The following INAVA variants were observed in gnomAD, a reference collection of about 807,000 sequenced individuals.
INAVA encodes the protein innate immunity activator.
INAVA carries 32 observed loss-of-function variants against 55.3 expected under a neutral mutation model. That is an observed-to-expected ratio of 0.58 (90% CI 0.44 to 0.78). The LOEUF is 0.78. Ranked by LOEUF, INAVA falls within the 30% of genes least tolerant of loss-of-function variation. INAVA has a pLI of 0.00. For missense variants in INAVA, 756 were observed against 786.4 expected (o/e 0.96, Z 0.46); for synonymous variants, 294 against 329.4 (o/e 0.89, Z 1.16).
intron 2 of INAVA, among the ~76,000 whole-genome samples, chr1:200,898,951 C>G (rs1231065644): frequency 3.3e-5 from 5 of 152,158 alleles, no homozygotes; most frequent in Non-Finnish European, 5.9e-5. Context: ...TGCACTCCAG[C>G]CTGGGCGACA....
chr1:200,910,136 A>C (rs1413072940), intron 8 of INAVA, among the ~76,000 whole-genome samples: 2 of 152,162 alleles, frequency 1.3e-5, no homozygotes, highest in Non-Finnish European at 2.9e-5. Context: ...GCAAAAACAC[A>C]CACAGTACAT....
chr1:200,900,273 T>G, intron 4 of INAVA, 53 bp downstream of exon 4: 1 of 1,495,636 alleles, frequency 6.7e-7, no homozygotes, highest in Non-Finnish European at 9.3e-7. Context: ...AGCTGATCAC[T>G]GAGACGCCAC....
Position 200,913,558 on chromosome 1 carries a change from C to T in INAVA, c.1666C>T (p.Arg556Trp), listed in dbSNP as rs149111905. ...GCAGGTGCCCACAGTTTGTGTGCTG[C>T]GGAGATCGCCTGATGGGGCCCCTGT... ...RAQVPTVCVL[R>W]RSPDGAPVQV... is the part of the protein sequence containing the mutation. Residue 556 changes from arginine to tryptophan, a missense_variant, in exon 10 of 10, where the codon CGG (arginine) becomes TGG (tryptophan). By Grantham distance (101) the Arg-to-Trp change is moderately radical (BLOSUM62 -3). Coordinates refer to ENST00000413687, the MANE Select transcript of INAVA (RefSeq NM_001142569.3). The T allele has an allele frequency of 3.5e-5, 56 of 1,614,026 alleles. No homozygotes were observed. Among genetic ancestry groups the T allele is most frequent in the South Asian group, 2.1e-4 (19 of 91,072 alleles).
upstream of INAVA, among the ~76,000 whole-genome samples, chr1:200,892,982 C>T (rs1008164215): frequency 4.6e-5 from 7 of 152,204 alleles, no homozygotes; most frequent in African/African-American, 4.8e-5. Context: ...GGATTCTTAA[C>T]TGGGTTCATT....
chr1:200,909,506 T>G (rs950856314), intron 8 of INAVA, 109 bp downstream of exon 8: 2 of 1,003,552 alleles, frequency 2.0e-6, no homozygotes, highest in Non-Finnish European at 2.7e-6. Context: ...ACATGGCTAG[T>G]GCCTTGACTT....
intron 5 of INAVA, among the ~76,000 whole-genome samples, chr1:200,901,950 C>A (rs972073690): frequency 1.1e-4 from 16 of 152,138 alleles, no homozygotes; most frequent in African/African-American, 3.9e-4. Context: ...TGACTGTTTT[C>A]CTTTGTCCTG....
chr1:200,907,500 A>T (rs28684993), intron 5 of INAVA, among the ~76,000 whole-genome samples: 13,214 of 152,108 alleles, frequency 0.087, 770 homozygotes, highest in Non-Finnish European at 0.12. Context: ...TACAAAAAAA[A>T]TAAAATAATT....
chr1:200,907,741 G>T, intron 5 of INAVA, 93 bp from the exon 6 acceptor site: 1 of 949,296 alleles, frequency 1.1e-6, no homozygotes, highest in Non-Finnish European at 1.7e-6. Context: ...CTGGGGGAGT[G>T]ATCAGGCCTG....
intron 5 of INAVA, 69 bp downstream of exon 5, chr1:200,901,228 C>T: frequency 7.2e-7 from 1 of 1,381,388 alleles, no homozygotes; most frequent in Non-Finnish European, 9.5e-7. Flanking sequence ...GGCGCACAGC[C>T]CCGTGCCACT....
At chr1:200,909,060 C>T (rs1471527151) in intron 7 of INAVA, 120 bp downstream of exon 7, 2 of 1,307,420 alleles carry the variant, frequency 1.5e-6, no homozygotes, top group Non-Finnish European at 2.1e-6. Flanking sequence ...AGAGCTCCTG[C>T]AGTCGTGGGA....
rs1171243956 is a variant in INAVA, at chr1:200,907,817, C to T, written c.521-17C>T. ...TTTCTTCACTTCCTTCTCTTCTCTC[C>T]CCTTTGTCTTTCGCAGAGCTCAGTG... On this transcript the variant is annotated splice_polypyrimidine_tract_variant and intron_variant, in intron 5 of 9. Coordinates refer to ENST00000413687, the MANE Select transcript of INAVA (RefSeq NM_001142569.3). The T allele has an allele frequency of 1.2e-6, 2 of 1,606,436 alleles. No individual in the cohort carries two copies. The highest frequency in any genetic ancestry group is 1.7e-6 in the Non-Finnish European group (2 of 1,173,508).
chr1:200,891,749 G>A, upstream of INAVA: 2 of 1,361,526 alleles, frequency 1.5e-6, no homozygotes, highest in Non-Finnish European at 9.7e-7. Flanking sequence ...ACTGGGGCGG[G>A]GGATCGGGCC....
upstream of INAVA, among the ~76,000 whole-genome samples, chr1:200,892,540 T>C (rs1668257911): frequency 6.6e-6 from 1 of 152,222 alleles, no homozygotes; most frequent in Admixed American, 6.5e-5. Flanking sequence ...GGCTCTTGTC[T>C]GCAAAGATCA....
At chr1:200,900,537 T>G (rs1270986439) in intron 4 of INAVA, among the ~76,000 whole-genome samples, 2 of 152,210 alleles carry the variant, frequency 1.3e-5, no homozygotes, top group Admixed American at 6.5e-5. Context: ...CTCTGGCCCC[T>G]AGGGCTGTCC....
Position 200,904,232 on chromosome 1 carries a change from A to C in INAVA, c.520+3073A>C, listed in dbSNP as rs1653395658. ...GCCTCCTGAGTAGCTGGGACTGCAG[A>C]TGCGTGCTGCCACGCCCAGCTAATT... On this transcript the variant is annotated intron_variant, in intron 5 of 9. Coordinates refer to ENST00000413687, the MANE Select transcript of INAVA (RefSeq NM_001142569.3). 3.3e-5 allele frequency among the ~76,000 whole-genome samples: 5 copies of C among 152,056 alleles called. 1 individual carries two copies. In the South Asian group the frequency reaches 1.0e-3, roughly 32 times the overall value.
chr1:200,908,182 G>A, intron 6 of INAVA: 1 of 322,762 alleles, frequency 3.1e-6, no homozygotes, highest in Non-Finnish European at 5.8e-6. Context: ...CCTTGGGTGT[G>A]ATTTCAAGAT....
chr1:200,893,844 G>A (rs932706961), upstream of INAVA, among the ~76,000 whole-genome samples: 4 of 152,116 alleles, frequency 2.6e-5, no homozygotes, highest in African/African-American at 9.7e-5. Flanking sequence ...CTGCACTTGG[G>A]GGTAGGGAGT....
intron 5 of INAVA, among the ~76,000 whole-genome samples, chr1:200,902,733 C>T (rs570135814): frequency 9.2e-5 from 14 of 152,392 alleles, no homozygotes; most frequent in African/African-American, 3.1e-4. Flanking sequence ...GCAGCGCCTC[C>T]TGCTCCCCGG....
In INAVA at chr1:200,902,842, G is replaced by A. The variant is rs544540249; in HGVS notation, c.520+1683G>A. The stretch of plus-strand genomic sequence containing the variant: ...GGTGGCAGGGGAGTGTCACCCTGAT[G>A]CTGCCATTGTGACCCATAATGCTTC... On this transcript the variant is annotated intron_variant, in intron 5 of 9. Coordinates refer to ENST00000413687, the MANE Select transcript of INAVA (RefSeq NM_001142569.3). The A allele has an allele frequency of 1.3e-5, 2 of 152,442 alleles. 1 individual carries two copies. The highest frequency in any genetic ancestry group is 3.9e-4 in the East Asian group (2 of 5,184). The allele number at this position is 152,442 out of a possible 1,614,324, so 9.4% of individuals were successfully genotyped here.
Sources: allele counts gnomAD v4.1 joint callset (sites outside exome capture counted in the v4.1 genomes callset), GRCh38; gene constraint gnomAD v4.1.1; transcripts MANE v1.5; gene names NCBI Gene and HGNC (gene_info 2026-07-23, HGNC 2026-07-21).